Variants in SIMC1 observed in about 807,000 individuals in gnomAD.
SIMC1 encodes SUMO-interacting motif-containing protein 1.
Under a neutral mutation model 82.3 loss-of-function variants are expected in SIMC1, and 55 were observed. The observed-to-expected ratio is 0.67, with a 90% CI of 0.54 to 0.84. SIMC1 has a LOEUF of 0.84. Ranked by LOEUF, SIMC1 falls within the 40% of genes least tolerant of loss-of-function variation. The pLI is 0.00. For missense variants in SIMC1, 915 were observed against 1,107.2 expected (o/e 0.83, Z 2.46); for synonymous variants, 353 against 426.3 (o/e 0.83, Z 2.12).
intron 1 of SIMC1, among the ~76,000 whole-genome samples, chr5:176,243,221 TA>T (rs1380376002): frequency 2.0e-5 from 3 of 152,066 alleles, no homozygotes; most frequent in Non-Finnish European, 4.4e-5. Flanking sequence ...TCTGAAGAGT[TA>T]ATATTTGACC....
chr5:176,305,519 T>A (rs1394246610), intron 4 of SIMC1, among the ~76,000 whole-genome samples: 1 of 69,402 alleles, frequency 1.4e-5, no homozygotes. Flanking sequence ...CCACCCCGTC[T>A]GGGAGGGAGG....
chr5:176,340,712 G>A (rs770222099), intron 9 of SIMC1, among the ~76,000 whole-genome samples: 2 of 152,198 alleles, frequency 1.3e-5, no homozygotes, highest in Non-Finnish European at 2.9e-5. Context: ...ACTGTTTAGT[G>A]GAGAGATTGA....
intron 9 of SIMC1, among the ~76,000 whole-genome samples, chr5:176,337,643 G>A (rs2113413003): frequency 6.6e-6 from 1 of 152,302 alleles, no homozygotes; most frequent in South Asian, 2.1e-4. Flanking sequence ...AAGGACTCAG[G>A]AATGCCTGAA....
intron 1 of SIMC1, among the ~76,000 whole-genome samples, chr5:176,284,924 A>AC (rs1763194865): frequency 6.6e-6 from 1 of 152,212 alleles, no homozygotes; most frequent in Admixed American, 6.5e-5. Flanking sequence ...CCCTGAATAG[A>AC]CCAATAACAG....
chr5:176,305,691 C>T lies in SIMC1; in HGVS notation c.1735-8000C>T, dbSNP rs550217790. On this transcript the variant is annotated intron_variant, in intron 4 of 9. Transcript: ENST00000429602. ...AGCCCCTCTGCCCGGCCAGCCGCCCCGTCCGGGAGGGAGGTGGGGGGGTCA... is the reference window on the plus strand; with the variant it reads ...AGCCCCTCTGCCCGGCCAGCCGCCCTGTCCGGGAGGGAGGTGGGGGGGTCA... Among the ~76,000 whole-genome samples, 52 of 105,926 alleles carry T rather than the reference C, an allele frequency of 4.9e-4. No individual in the cohort carries two copies. In the East Asian group the frequency reaches 9.8e-3, roughly 20 times the overall value. The allele number at this position is 105,926 out of a possible 152,430, so 69.5% of individuals were successfully genotyped here.
At chr5:176,294,279 G>A (rs1459529520) in intron 2 of SIMC1, among the ~76,000 whole-genome samples, 1 of 79,562 alleles carries the variant, frequency 1.3e-5, no homozygotes, top group Non-Finnish European at 2.8e-5. Flanking sequence ...TTTAGATAAA[G>A]CTCTTTTTTG....
chr5:176,248,843 T>C (rs1309185015), intron 1 of SIMC1, among the ~76,000 whole-genome samples: 1 of 152,144 alleles, frequency 6.6e-6, no homozygotes, highest in African/African-American at 2.4e-5. Context: ...CAAAGGCCTT[T>C]TCTGCATCTA....
Position 176,330,754 on chromosome 5 carries a change from T to C in SIMC1, c.2172-5966T>C, listed in dbSNP as rs1002235529. Among the ~76,000 whole-genome samples, 13 of 152,350 alleles carry C rather than the reference T, an allele frequency of 8.5e-5. 1 individual carries two copies. The highest frequency in any genetic ancestry group is 2.6e-4 in the African/African-American group (11 of 41,582). On this transcript the variant is annotated intron_variant, in intron 7 of 9. Coordinates refer to ENST00000429602, the MANE Select transcript of SIMC1 (RefSeq NM_001308195.2). ...AAAATGATGAATTAGGCAGAAATAC[T>C]GTTTGGCAACCATCATAATATTCAG...
chr5:176,280,701 G>A (rs1032220307), intron 1 of SIMC1, among the ~76,000 whole-genome samples: 2 of 151,962 alleles, frequency 1.3e-5, no homozygotes, highest in African/African-American at 2.4e-5. Flanking sequence ...ATGAAGCTTC[G>A]TTTGGCTGGA....
At chr5:176,303,130 T>C (rs557178921) in intron 4 of SIMC1, among the ~76,000 whole-genome samples, 3 of 152,002 alleles carry the variant, frequency 2.0e-5, no homozygotes, top group Non-Finnish European at 4.4e-5. Flanking sequence ...TAGCCGGGCA[T>C]GATGGTGGGC....
At chr5:176,302,457 A>T (rs1764081150) in intron 4 of SIMC1, among the ~76,000 whole-genome samples, 1 of 152,236 alleles carries the variant, frequency 6.6e-6, no homozygotes, top group South Asian at 2.1e-4. Context: ...AGTTGGCATC[A>T]TACTGAATGG....
intron 2 of SIMC1, 66 bp from the exon 3 acceptor site, chr5:176,294,964 C>CAAAAAAAAAAAAAAAAAA (rs70991529): frequency 9.8e-7 from 1 of 1,025,402 alleles, no homozygotes; most frequent in Admixed American, 4.9e-5. Flanking sequence ...GACTCCGTCT[C>CAAAAAAAAAAAAAAAAAA]AAAAAAAAAA....
At chr5:176,287,759 C>T (rs1208503203) in intron 1 of SIMC1, among the ~76,000 whole-genome samples, 1 of 149,182 alleles carries the variant, frequency 6.7e-6, no homozygotes, top group African/African-American at 2.5e-5. Context: ...TTTACTCAAA[C>T]TAGTGAACTT....
At chr5:176,309,156 G>T in intron 4 of SIMC1, 1 of 604,302 alleles carries the variant, frequency 1.7e-6, no homozygotes, top group South Asian at 2.1e-5. Flanking sequence ...AAGATAGATG[G>T]TATTGGCAGA....
Position 176,345,538 on chromosome 5 carries a change from T to C in SIMC1, c.*93T>C. 7.1e-7 allele frequency: 1 copy of C among 1,403,486 alleles called. No individual in the cohort carries two copies. Among genetic ancestry groups the C allele is most frequent in the South Asian group, 1.5e-5 (1 of 68,782 alleles). The allele number at this position is 1,403,486 out of a possible 1,614,324, so 86.9% of individuals were successfully genotyped here. On this transcript the variant is annotated 3_prime_UTR_variant, in exon 10 of 10. Transcript: ENST00000429602. ...AAAGCATGAAAAGTGGTTAAAATCT[T>C]ACAGGACCAAACCTGCATTATTTAA...
intron 1 of SIMC1, among the ~76,000 whole-genome samples, chr5:176,263,157 A>C (rs1305835125): frequency 6.6e-6 from 1 of 152,258 alleles, no homozygotes; most frequent in Non-Finnish European, 1.5e-5. Flanking sequence ...AAATGGAGAA[A>C]CATTTCATGT....
chr5:176,286,730 C>T (rs1191828434), intron 1 of SIMC1, among the ~76,000 whole-genome samples: 10 of 152,020 alleles, frequency 6.6e-5, no homozygotes, highest in African/African-American at 2.2e-4. Flanking sequence ...TGCAATCTGC[C>T]CATCTGACAA....
intron 7 of SIMC1, among the ~76,000 whole-genome samples, chr5:176,330,362 C>T (rs1438970569): frequency 6.7e-6 from 1 of 150,276 alleles, no homozygotes; most frequent in Non-Finnish European, 1.5e-5. Context: ...GATCGCACCA[C>T]TCCACTCCAG....
In SIMC1 at chr5:176,324,322, T is replaced by C. The variant is rs564379911; in HGVS notation, c.2043-307T>C. Among the ~76,000 whole-genome samples the C allele has an allele frequency of 3.3e-5, 5 of 152,336 alleles. No individual in the cohort carries two copies. In the South Asian group the frequency reaches 1.0e-3, roughly 32 times the overall value. On this transcript the variant is annotated intron_variant, in intron 6 of 9. Transcript: ENST00000429602. ...GAAGTTATAGATTAGATGATCCTTA[T>C]AGTTCCCTATATCCTTAAGGTTGTG...
Sources: allele counts gnomAD v4.1 joint callset (sites outside exome capture counted in the v4.1 genomes callset), GRCh38; gene constraint gnomAD v4.1.1; transcripts MANE v1.5; gene names NCBI Gene and HGNC (gene_info 2026-07-23, HGNC 2026-07-21).